The following UBTD2 variants were observed in gnomAD, a reference collection of about 807,000 sequenced individuals.
The protein encoded by UBTD2 is ubiquitin domain containing 2, also known as ubiquitin domain-containing protein 2.
A neutral mutation model predicts 19.8 loss-of-function variants in UBTD2; 9 were observed. That is an observed-to-expected ratio of 0.46 (90% confidence interval 0.27 to 0.79). The LOEUF (loss-of-function observed/expected upper bound fraction) is 0.79, where lower values mean the gene tolerates loss of function less well. Among genes scored for constraint, UBTD2 ranks in the 30% least tolerant of loss-of-function variants. The probability of loss-of-function intolerance (pLI) is 0.14; values close to 1 mark genes in which losing one functional copy is unlikely to be tolerated. For missense variants in UBTD2, 250 were observed against 300.4 expected (o/e 0.83, Z 1.24); for synonymous variants, 98 against 103.9 (o/e 0.94, Z 0.35).
intron 1 of UBTD2, among the ~76,000 whole-genome samples, chr5:172,262,333 C>T (rs1449520607): frequency 6.6e-6 from 1 of 150,842 alleles, no homozygotes; most frequent in African/African-American, 2.4e-5. Flanking sequence ...GCCTGTAATC[C>T]CAGCTACTTG....
At chr5:172,218,864 T>TA (rs1445530268) in intron 2 of UBTD2, among the ~76,000 whole-genome samples, 1 of 150,810 alleles carries the variant, frequency 6.6e-6, no homozygotes, top group Non-Finnish European at 1.5e-5. Context: ...TACAAGGTTT[T>TA]ATTGACCAAA....
At chr5:172,268,402 T>C (rs919549956) in intron 1 of UBTD2, among the ~76,000 whole-genome samples, 1 of 152,138 alleles carries the variant, frequency 6.6e-6, no homozygotes, top group African/African-American at 2.4e-5. Context: ...ATCTACCTGA[T>C]TTCCAGGGAA....
chr5:172,218,799 A>AAAAAAAAAAAT (rs1771596721), intron 2 of UBTD2, among the ~76,000 whole-genome samples: 1 of 59,738 alleles, frequency 1.7e-5, no homozygotes, highest in African/African-American at 9.2e-5. Context: ...ATAAAAAAAT[A>AAAAAAAAAAAT]AAAAAAAAAA....
intron 1 of UBTD2, among the ~76,000 whole-genome samples, chr5:172,277,667 T>G (rs1327875796): frequency 6.6e-6 from 1 of 151,586 alleles, no homozygotes; most frequent in Non-Finnish European, 1.5e-5. Flanking sequence ...GATTACGCCA[T>G]TGCACTCCAT....
chr5:172,226,452 A>T (rs1771767712), intron 2 of UBTD2, among the ~76,000 whole-genome samples: 1 of 152,198 alleles, frequency 6.6e-6, no homozygotes, highest in Non-Finnish European at 1.5e-5. Flanking sequence ...AATAATAAGC[A>T]CGTGAAAAAT....
intron 1 of UBTD2, among the ~76,000 whole-genome samples, chr5:172,274,281 C>T (rs1223275327): frequency 6.6e-6 from 1 of 151,906 alleles, no homozygotes; most frequent in Non-Finnish European, 1.5e-5. Context: ...GCTAGGACTA[C>T]AGGCACGTGC....
At chr5:172,247,928 C>A (rs774237513) in intron 1 of UBTD2, among the ~76,000 whole-genome samples, 1 of 152,008 alleles carries the variant, frequency 6.6e-6, no homozygotes, top group Non-Finnish European at 1.5e-5. Context: ...ATATGTTAGA[C>A]CACAAAACAA....
At chr5:172,240,016 C>T (rs564873887) in intron 1 of UBTD2, among the ~76,000 whole-genome samples, 2 of 152,300 alleles carry the variant, frequency 1.3e-5, no homozygotes, top group South Asian at 2.1e-4. Context: ...AAACCAATAA[C>T]GAAGATTCAC....
intron 1 of UBTD2, among the ~76,000 whole-genome samples, chr5:172,281,878 C>A (rs569178500): frequency 6.6e-6 from 1 of 152,120 alleles, no homozygotes; most frequent in Non-Finnish European, 1.5e-5. Context: ...TACAGCAGAG[C>A]TTACGGTCCA....
chr5:172,265,772 A>C (rs181997404), intron 1 of UBTD2, among the ~76,000 whole-genome samples: 1 of 152,306 alleles, frequency 6.6e-6, no homozygotes, highest in Admixed American at 6.5e-5. Flanking sequence ...GTAAAGAACA[A>C]ATCAGACAAA....
In UBTD2 at chr5:172,251,805, A is replaced by G. The variant is rs77226418; in HGVS notation, c.71-17447T>C. Among the ~76,000 whole-genome samples, 1,289 of 152,340 alleles carry G rather than the reference A, an allele frequency of 8.5e-3. 8 individuals carry two copies. The highest frequency in any genetic ancestry group is 0.013 in the Non-Finnish European group (856 of 68,018). On this transcript the variant is annotated intron_variant, in intron 1 of 2. Coordinates refer to ENST00000393792, the MANE Select transcript of UBTD2 (RefSeq NM_152277.3). ...CTGAAAGAAAGGACGTCAATGAGAA[A>G]CACAAAACATCTCAAAGTATAAAAC...
Position 172,283,473 on chromosome 5 carries a change from G to A in UBTD2, c.70+123C>T. The A allele has an allele frequency of 1.4e-6, 1 of 711,552 alleles. No homozygotes were observed. The highest frequency in any genetic ancestry group is 1.9e-5 in the African/African-American group (1 of 53,626). The allele number at this position is 711,552 out of a possible 1,614,324, so 44.1% of individuals were successfully genotyped here. On this transcript the variant is annotated intron_variant, in intron 1 of 2. Transcript: ENST00000393792. This position sits in a 1 kb window ranked among gnomAD's most constrained non-coding sequence, Gnocchi z 4.3. ...CAGCCGGAAGCGGAGCGCGGGGAAT[G>A]ACGTGGAAGAGGGGATGACAAAGGG...
chr5:172,275,873 T>C (rs187773181), intron 1 of UBTD2, among the ~76,000 whole-genome samples: 271 of 152,338 alleles, frequency 1.8e-3, no homozygotes, highest in African/African-American at 5.8e-3. Context: ...TACCTCAATA[T>C]TCCTGGTCAC....
In UBTD2 at chr5:172,211,623, T is replaced by C; in HGVS notation, c.*207A>G. Reference sequence around the variant, plus strand: ...TTTCAAATTAGAAATTGTAATTACATGAGTCTCAAAGCCTGGCTCTTTGTG... The same window carrying C: ...TTTCAAATTAGAAATTGTAATTACACGAGTCTCAAAGCCTGGCTCTTTGTG... On this transcript the variant is annotated 3_prime_UTR_variant, in exon 3 of 3. Coordinates refer to ENST00000393792, the MANE Select transcript of UBTD2 (RefSeq NM_152277.3). 2.1e-6 allele frequency: 1 copy of C among 484,634 alleles called. No homozygotes were observed. The highest frequency in any genetic ancestry group is 3.5e-6 in the Non-Finnish European group (1 of 284,388). 30.0% of individuals were successfully genotyped at this position (484,634 alleles called of 1,614,324 possible). A position where few individuals can be genotyped will look rare whatever the true frequency, so the allele number is the denominator to read the frequency against.
At chr5:172,229,077 C>G (rs919547845) in intron 2 of UBTD2, among the ~76,000 whole-genome samples, 2 of 152,108 alleles carry the variant, frequency 1.3e-5, no homozygotes, top group African/African-American at 4.8e-5. Context: ...AAAAGCCAAA[C>G]TGAAGAACTG....
At chr5:172,265,600 A>G (rs560997899) in intron 1 of UBTD2, among the ~76,000 whole-genome samples, 60 of 152,318 alleles carry the variant, frequency 3.9e-4, no homozygotes, top group Non-Finnish European at 6.2e-4. Context: ...AAGTGCTGGG[A>G]TTACAGGCGT....
At chr5:172,231,196 A>G (rs1482562730) in intron 2 of UBTD2, among the ~76,000 whole-genome samples, 5 of 152,214 alleles carry the variant, frequency 3.3e-5, no homozygotes, top group Admixed American at 3.3e-4. Context: ...ACTGATGGTG[A>G]GTTAGAGTAC....
chr5:172,214,119 C>T (rs764050719), intron 2 of UBTD2, among the ~76,000 whole-genome samples: 1 of 152,158 alleles, frequency 6.6e-6, no homozygotes, highest in Non-Finnish European at 1.5e-5. Context: ...TAAGGTTATA[C>T]GTAACATATC....
chr5:172,241,401 C>A, intron 1 of UBTD2, among the ~76,000 whole-genome samples: 2 of 139,880 alleles, frequency 1.4e-5, no homozygotes, highest in Non-Finnish European at 3.0e-5. Context: ...AAGAATGAAA[C>A]TCTGTCTCAA....
Sources: gnomAD v4.1 joint callset for allele counts (sites outside exome capture counted in the v4.1 genomes callset) on GRCh38, gnomAD v4.1.1 for gene constraint, Gnocchi (gnomAD v3.1) non-coding constraint, MANE v1.5 for transcripts, NCBI Gene and HGNC (gene_info 2026-07-23, HGNC 2026-07-21) for gene names.